NOP58: variants seen among roughly 807,000 people sequenced by gnomAD.
The protein encoded by NOP58 is NOP58 ribonucleoprotein.
A neutral mutation model predicts 71.2 loss-of-function variants in NOP58; 44 were observed. The observed-to-expected ratio is 0.62, with a 90% CI of 0.49 to 0.79. NOP58 has a LOEUF of 0.79. NOP58 is among the 30% of genes least tolerant of loss of function. The pLI, the probability that NOP58 is intolerant of heterozygous loss-of-function variation, is 0.00. For synonymous variants in NOP58, 228 were observed against 200.3 expected, an observed-to-expected ratio of 1.14 and a Z score of -1.17; for missense variants, 538 against 620.2, an observed-to-expected ratio of 0.87 and a Z score of 1.41.
Position 202,303,563 on chromosome 2 carries a change from T to C in NOP58, c.*127T>C. ...GTAAGACAAAGTGATTTATCATCTA[T>C]AACTTCAAACCTATTTGTCTTGACA... On this transcript the variant is annotated 3_prime_UTR_variant, in exon 15 of 15. Coordinates refer to ENST00000264279, the MANE Select transcript of NOP58 (RefSeq NM_015934.5). The C allele has an allele frequency of 8.0e-7, 1 of 1,250,262 alleles. No individual in the cohort carries two copies. The highest frequency in any genetic ancestry group is 1.1e-6 in the Non-Finnish European group (1 of 932,630). The allele number at this position is 1,250,262 out of a possible 1,614,324, so 77.4% of individuals were successfully genotyped here. A position where few individuals can be genotyped will look rare whatever the true frequency, so the allele number is the denominator to read the frequency against.
At chr2:202,267,954 C>G (rs867618305) in intron 1 of NOP58, among the ~76,000 whole-genome samples, 2 of 152,082 alleles carry the variant, frequency 1.3e-5, no homozygotes, top group Non-Finnish European at 2.9e-5. Flanking sequence ...AAAGAAATAA[C>G]TAGTTAAGCT....
intron 1 of NOP58, among the ~76,000 whole-genome samples, chr2:202,267,938 AG>A (rs1297379624): frequency 6.6e-6 from 1 of 152,230 alleles, no homozygotes; most frequent in Non-Finnish European, 1.5e-5. Flanking sequence ...TATGTAACCT[AG>A]TACTAAAGAA....
At chr2:202,270,304 T>C (rs2105835949) in intron 1 of NOP58, among the ~76,000 whole-genome samples, 1 of 152,382 alleles carries the variant, frequency 6.6e-6, no homozygotes, top group Non-Finnish European at 1.5e-5. Context: ...CTTAGTGTAA[T>C]GCTTCTGAAG....
chr2:202,300,542 C>T (rs1300741603), intron 13 of NOP58, among the ~76,000 whole-genome samples, 175 bp downstream of exon 13: 1 of 152,116 alleles, frequency 6.6e-6, no homozygotes, highest in Non-Finnish European at 1.5e-5. Flanking sequence ...TTAAATTTAT[C>T]AGACTGCACA....
rs1015032964 is a variant in NOP58, at chr2:202,265,966, G to C, written c.25G>C (p.Val9Leu). The change falls in exon 1 of 15, where the codon GTG (valine) becomes CTG (leucine). Residue 9 changes from valine to leucine, a missense_variant. Transcript: ENST00000264279. ...CATGTTGGTGCTGTTTGAAACGTCT[G>C]TGGGTTACGCCATCTTTAAGGTAGG... MLVLFETSVGYAIFKVLNE... is the reference protein window; with the variant it reads MLVLFETSLGYAIFKVLNE... 6.2e-6 allele frequency: 10 copies of C among 1,614,080 alleles called. No individual in the cohort carries two copies. Among genetic ancestry groups the C allele is most frequent in the Non-Finnish European group, 8.5e-6 (10 of 1,180,046 alleles).
intron 1 of NOP58, among the ~76,000 whole-genome samples, chr2:202,269,199 TC>T (rs1215485622): frequency 6.6e-6 from 1 of 151,590 alleles, no homozygotes; most frequent in Non-Finnish European, 1.5e-5. Flanking sequence ...TGAGATGGAG[TC>T]TCACTCTGTT....
chr2:202,278,039 A>T (rs1688635747), intron 3 of NOP58, 37 bp downstream of exon 3: 1 of 1,278,352 alleles, frequency 7.8e-7, no homozygotes, highest in Admixed American at 1.8e-5. Context: ...TTTTTGAAAA[A>T]ATTAAGTCTT....
chr2:202,294,929 C>T (rs1408324431), intron 9 of NOP58, among the ~76,000 whole-genome samples: 2 of 151,156 alleles, frequency 1.3e-5, no homozygotes, highest in Non-Finnish European at 2.9e-5. Context: ...CGCGCCACTG[C>T]ACTCCAGCCT....
At chr2:202,273,124 C>CAATA (rs771774862) in intron 1 of NOP58, among the ~76,000 whole-genome samples, 3 of 152,026 alleles carry the variant, frequency 2.0e-5, no homozygotes, top group Non-Finnish European at 4.4e-5. Flanking sequence ...GACTCCGTCT[C>CAATA]AATAAATAAA....
intron 10 of NOP58, among the ~76,000 whole-genome samples, chr2:202,297,130 G>A (rs945711669): frequency 1.3e-5 from 2 of 152,092 alleles, no homozygotes. Context: ...AGAAACTAAA[G>A]TTTAAAAATA....
At chr2:202,274,478 G>A (rs1688558266) in intron 1 of NOP58, among the ~76,000 whole-genome samples, 1 of 150,094 alleles carries the variant, frequency 6.7e-6, no homozygotes, top group Non-Finnish European at 1.5e-5. Flanking sequence ...CTGACCTCAG[G>A]TGATCCGCCT....
In NOP58 at chr2:202,303,451, G is replaced by A. The variant is rs762848362; in HGVS notation, c.*15G>A. 7 of 1,605,000 alleles carry A rather than the reference G, an allele frequency of 4.4e-6. No individual in the cohort carries two copies. Among genetic ancestry groups the A allele is most frequent in the African/African-American group, 1.3e-5 (1 of 74,780 alleles). On this transcript the variant is annotated 3_prime_UTR_variant, in exon 15 of 15. Transcript: ENST00000264279. ...ACGAGGATTAACAGAAAGGAATTAC[G>A]ATTATATCACCCGGACACACATCAT... is the stretch of plus-strand genomic sequence containing the variant.
At chr2:202,295,094 G>C (rs374109863) in intron 9 of NOP58, among the ~76,000 whole-genome samples, 4 of 152,170 alleles carry the variant, frequency 2.6e-5, no homozygotes, top group South Asian at 4.1e-4. Flanking sequence ...TCATGTCCTG[G>C]GGGGAGCTGA....
chr2:202,277,864 T>G (rs1277242459), intron 2 of NOP58, 86 bp from the exon 3 acceptor site: 2 of 732,994 alleles, frequency 2.7e-6, no homozygotes, highest in East Asian at 4.9e-5. Flanking sequence ...TTGGAAACAG[T>G]CAAGCACTTC....
At position 202,295,933 on chromosome 2, in the gene NOP58, A is replaced by G. The variant is rs561351530; in HGVS notation, c.1071+96A>G. 44 of 924,382 alleles carry G rather than the reference A, an allele frequency of 4.8e-5. No individual in the cohort carries two copies. In the South Asian group the frequency reaches 9.1e-4, roughly 19 times the overall value. The allele number at this position is 924,382 out of a possible 1,614,324, so 57.3% of individuals were successfully genotyped here. A position where few individuals can be genotyped will look rare whatever the true frequency, so the allele number is the denominator to read the frequency against. ...CTCTGTAGTACACATTAAATCTTCTATTGTCTCTTTCTTGTTAAATAGGGA... is the reference window on the plus strand; with the variant it reads ...CTCTGTAGTACACATTAAATCTTCTGTTGTCTCTTTCTTGTTAAATAGGGA... On this transcript the variant is annotated intron_variant, in intron 10 of 14. Coordinates refer to ENST00000264279, the MANE Select transcript of NOP58 (RefSeq NM_015934.5).
At chr2:202,281,642 G>C (rs1245565919) in intron 3 of NOP58, among the ~76,000 whole-genome samples, 1 of 152,182 alleles carries the variant, frequency 6.6e-6, no homozygotes, top group Non-Finnish European at 1.5e-5. Context: ...GTTTCGCCGT[G>C]TTGGCCAGGC....
At chr2:202,277,402 C>T (rs1217122864) in intron 2 of NOP58, among the ~76,000 whole-genome samples, 15 of 150,626 alleles carry the variant, frequency 1.0e-4, no homozygotes, top group Non-Finnish European at 1.8e-4. Context: ...TGCTTGAATC[C>T]GGGAGGCAGA....
Position 202,265,763 on chromosome 2 carries a change from C to G in NOP58, c.-179C>G, listed in dbSNP as rs566892254. 1.0e-4 allele frequency: 62 copies of G among 620,098 alleles called. No homozygotes were observed. The highest frequency in any genetic ancestry group is 2.3e-4 in the South Asian group (12 of 52,662). The allele number at this position is 620,098 out of a possible 1,614,324, so 38.4% of individuals were successfully genotyped here. A position where few individuals can be genotyped will look rare whatever the true frequency, so the allele number is the denominator to read the frequency against. On this transcript the variant is annotated 5_prime_UTR_variant, in exon 1 of 15. Coordinates refer to ENST00000264279, the MANE Select transcript of NOP58 (RefSeq NM_015934.5). ...AGAAGGAGTAGCGCGTTCGTGCGTCCTAGTTCCAGTACAGCGTGGAGGGTT... is the reference window on the plus strand; with the variant it reads ...AGAAGGAGTAGCGCGTTCGTGCGTCGTAGTTCCAGTACAGCGTGGAGGGTT...
At chr2:202,288,209 G>A (rs1397803900) in intron 6 of NOP58, among the ~76,000 whole-genome samples, 5 of 152,136 alleles carry the variant, frequency 3.3e-5, no homozygotes, top group Non-Finnish European at 5.9e-5. Context: ...AAGCTGCCAG[G>A]CACAGTGGCT....
Sources: gnomAD v4.1 joint callset for allele counts (sites outside exome capture counted in the v4.1 genomes callset) on GRCh38, gnomAD v4.1.1 for gene constraint, MANE v1.5 for transcripts, NCBI Gene and HGNC (gene_info 2026-07-23, HGNC 2026-07-21) for gene names.